Variants in KCNQ3 observed in about 807,000 individuals in gnomAD.
KCNQ3 encodes potassium voltage-gated channel subfamily KQT member 3.
KCNQ3 carries 30 observed loss-of-function variants against 92.5 expected under a neutral mutation model. The ratio of observed to expected loss-of-function variants is 0.32; its 90% CI spans 0.24 to 0.44. KCNQ3 has a LOEUF of 0.44. Among genes scored for constraint, KCNQ3 ranks in the 20% least tolerant of loss-of-function variants. The pLI, the probability that KCNQ3 is intolerant of heterozygous loss-of-function variation, is 1.00. For missense variants in KCNQ3, 913 were observed against 1,140.3 expected, an observed-to-expected ratio of 0.80 and a Z score of 2.87; for synonymous variants, 450 against 468.8, an observed-to-expected ratio of 0.96 and a Z score of 0.52.
At chr8:132,288,489 A>G (rs746224307) in intron 1 of KCNQ3, among the ~76,000 whole-genome samples, 19 of 152,038 alleles carry the variant, frequency 1.2e-4, no homozygotes, top group Non-Finnish European at 2.9e-5. Flanking sequence ...TCCATAAGTC[A>G]CCCTCATCAC....
chr8:132,194,995 C>T (rs1370822751), intron 1 of KCNQ3, among the ~76,000 whole-genome samples: 3 of 152,160 alleles, frequency 2.0e-5, no homozygotes, highest in Non-Finnish European at 4.4e-5. Flanking sequence ...TATTCTTTTA[C>T]CTGATTACAA....
chr8:132,193,360 G>A (rs781125384), intron 1 of KCNQ3, among the ~76,000 whole-genome samples: 28 of 152,324 alleles, frequency 1.8e-4, no homozygotes, highest in Non-Finnish European at 3.5e-4. Context: ...AAGGAAGCCT[G>A]CTTTGTAGCT....
At chr8:132,273,610 T>G (rs1027697650) in intron 1 of KCNQ3, among the ~76,000 whole-genome samples, 1 of 152,242 alleles carries the variant, frequency 6.6e-6, no homozygotes, top group African/African-American at 2.4e-5. Context: ...CCTGAATTTC[T>G]CCTCAGAAAA....
At chr8:132,172,731 A>G (rs774159850) in intron 6 of KCNQ3, 38 bp from the exon 7 acceptor site, 24 of 1,453,224 alleles carry the variant, frequency 1.7e-5, no homozygotes, top group Non-Finnish European at 2.2e-5. Context: ...GCCCCCAGCT[A>G]GACTGTCCCA....
chr8:132,395,089 G>T (rs1214162350), intron 1 of KCNQ3, among the ~76,000 whole-genome samples: 1 of 152,064 alleles, frequency 6.6e-6, no homozygotes, highest in Non-Finnish European at 1.5e-5. Flanking sequence ...TTCCAACCCT[G>T]CTGGTTTTTA....
At chr8:132,337,139 GC>G (rs1023490121) in intron 1 of KCNQ3, among the ~76,000 whole-genome samples, 15 of 152,304 alleles carry the variant, frequency 9.8e-5, no homozygotes, top group African/African-American at 3.4e-4. Context: ...AGGAGTGGAT[GC>G]CCCAGAAACC....
chr8:132,292,382 C>A (rs560116400), intron 1 of KCNQ3, among the ~76,000 whole-genome samples: 7 of 152,190 alleles, frequency 4.6e-5, no homozygotes, highest in Admixed American at 6.5e-5. Context: ...CCCCACTGTG[C>A]AAATGAGGAA....
intron 1 of KCNQ3, among the ~76,000 whole-genome samples, chr8:132,249,920 G>A (rs1045709183): frequency 8.5e-5 from 13 of 152,210 alleles, no homozygotes; most frequent in African/African-American, 2.9e-4. Flanking sequence ...CTCACTGCCT[G>A]GGGCCAGCGG....
At chr8:132,249,763 C>T (rs1019898398) in intron 1 of KCNQ3, among the ~76,000 whole-genome samples, 2 of 152,188 alleles carry the variant, frequency 1.3e-5, no homozygotes, top group Non-Finnish European at 2.9e-5. Context: ...TAGGGGGAGG[C>T]TCGGGCATGA....
intron 9 of KCNQ3, among the ~76,000 whole-genome samples, chr8:132,148,479 C>T (rs552891684): frequency 4.6e-5 from 7 of 152,272 alleles, no homozygotes; most frequent in Non-Finnish European, 8.8e-5. Context: ...TCACACTGTT[C>T]GTGGTAGAGC....
intron 1 of KCNQ3, among the ~76,000 whole-genome samples, chr8:132,189,907 A>AAAAAAAAG (rs1480816124): frequency 9.1e-5 from 12 of 132,270 alleles, no homozygotes; most frequent in African/African-American, 3.8e-4. Flanking sequence ...AAAAAAAAAA[A>AAAAAAAAG]AGAGAGAGAG....
At chr8:132,391,347 T>C (rs1347450532) in intron 1 of KCNQ3, among the ~76,000 whole-genome samples, 2 of 152,130 alleles carry the variant, frequency 1.3e-5, no homozygotes, top group East Asian at 3.9e-4. Flanking sequence ...AATGCTCACA[T>C]CTGTAAAATG....
intron 1 of KCNQ3, among the ~76,000 whole-genome samples, chr8:132,372,775 A>AC (rs1554648846): frequency 6.7e-6 from 1 of 149,854 alleles, no homozygotes; most frequent in Non-Finnish European, 1.5e-5. Context: ...AAAAAAAACA[A>AC]AAAAAAAAAC....
chr8:132,279,348 A>C (rs2130522602), intron 1 of KCNQ3, among the ~76,000 whole-genome samples: 1 of 152,340 alleles, frequency 6.6e-6, no homozygotes, highest in South Asian at 2.1e-4. Context: ...CATGGTTAAG[A>C]AGCCCTGGAC....
At chr8:132,275,510 C>G (rs1359119382) in intron 1 of KCNQ3, among the ~76,000 whole-genome samples, 3 of 151,866 alleles carry the variant, frequency 2.0e-5, no homozygotes, top group African/African-American at 7.3e-5. Context: ...GTATGAGGGT[C>G]ATTTGCCCCA....
chr8:132,298,483 GAGAGAATGTGCCTCATTC>G (rs1217405902), intron 1 of KCNQ3, among the ~76,000 whole-genome samples: 2 of 152,172 alleles, frequency 1.3e-5, no homozygotes, highest in African/African-American at 4.8e-5. Flanking sequence ...GTGGTGGCCA[GAGAGAATGTGCCTCATTC>G]AGAGAACTGT....
At chr8:132,198,672 T>A (rs1014305156) in intron 1 of KCNQ3, among the ~76,000 whole-genome samples, 2 of 152,024 alleles carry the variant, frequency 1.3e-5, no homozygotes, top group African/African-American at 4.8e-5. Context: ...CTGGGCATGG[T>A]GGCGGGTGCC....
chr8:132,270,143 T>A (rs1345103918), intron 1 of KCNQ3, among the ~76,000 whole-genome samples: 2 of 144,852 alleles, frequency 1.4e-5, no homozygotes, highest in Admixed American at 7.0e-5. Context: ...AAAAAAAAAA[T>A]TAAGCAGACT....
chr8:132,258,252 T>A (rs141677124), intron 1 of KCNQ3, among the ~76,000 whole-genome samples: 34 of 152,206 alleles, frequency 2.2e-4, no homozygotes, highest in African/African-American at 8.2e-4. Context: ...GAATATAGTA[T>A]ATGTTGGACA....
Sources: gnomAD v4.1 joint callset for allele counts (sites outside exome capture counted in the v4.1 genomes callset) on GRCh38, gnomAD v4.1.1 for gene constraint, MANE v1.5 for transcripts, NCBI Gene and HGNC (gene_info 2026-07-23, HGNC 2026-07-21) for gene names.